Variants in LRRC36 observed in about 807,000 individuals in gnomAD.
The protein encoded by LRRC36 is leucine rich repeat containing 36.
A neutral mutation model predicts 81.1 loss-of-function variants in LRRC36; 62 were observed. That is an observed-to-expected ratio of 0.76 (90% CI 0.62 to 0.94). The LOEUF is 0.94. LRRC36 is among the 40% of genes least tolerant of loss of function. The probability of loss-of-function intolerance (pLI) is 0.00; values close to 1 mark genes in which losing one functional copy is unlikely to be tolerated. For missense variants in LRRC36, 761 were observed against 881.7 expected (o/e 0.86, Z 1.73); for synonymous variants, 334 against 348.6 (o/e 0.96, Z 0.47).
At chr16:67,366,678 AAGCGAAGG>A (rs2039406554) in intron 7 of LRRC36, among the ~76,000 whole-genome samples, 1 of 151,962 alleles carries the variant, frequency 6.6e-6, no homozygotes, top group Admixed American at 6.6e-5. Context: ...TCCCTCTGGG[AAGCGAAGG>A]TTGCACTGAG....
chr16:67,383,496 G>A (rs974236890), intron 13 of LRRC36, among the ~76,000 whole-genome samples: 4 of 152,182 alleles, frequency 2.6e-5, no homozygotes, highest in African/African-American at 9.7e-5. Flanking sequence ...GCAGGTCTGG[G>A]TTGGGAACTG....
At chr16:67,377,900 T>C (rs1161885755) in intron 11 of LRRC36, among the ~76,000 whole-genome samples, 1 of 152,222 alleles carries the variant, frequency 6.6e-6, no homozygotes, top group Non-Finnish European at 1.5e-5. Context: ...CCCAAAGTGC[T>C]GCAATTACAG....
intron 13 of LRRC36, among the ~76,000 whole-genome samples, chr16:67,382,730 TC>T (rs2040158659): frequency 2.0e-5 from 3 of 152,124 alleles, no homozygotes; most frequent in Admixed American, 2.0e-4. Context: ...ACGCCTGTAA[TC>T]CCAGCACTTT....
intron 5 of LRRC36, among the ~76,000 whole-genome samples, chr16:67,350,520 C>T (rs2038578562): frequency 6.6e-6 from 1 of 152,158 alleles, no homozygotes; most frequent in Non-Finnish European, 1.5e-5. Flanking sequence ...AGTTCAATTT[C>T]ATTTACATCA....
At chr16:67,349,327 T>C (rs973538514) in intron 4 of LRRC36, among the ~76,000 whole-genome samples, 2 of 152,106 alleles carry the variant, frequency 1.3e-5, no homozygotes, top group African/African-American at 4.8e-5. Flanking sequence ...TTTTAAGCCT[T>C]TCTGAGTCCC....
chr16:67,335,008 G>T (rs1056418155), intron 1 of LRRC36, among the ~76,000 whole-genome samples: 1 of 152,128 alleles, frequency 6.6e-6, no homozygotes, highest in African/African-American at 2.4e-5. Context: ...GTAAATGGAG[G>T]CAGGGCGAGA....
intron 10 of LRRC36, 55 bp from the exon 11 acceptor site, chr16:67,376,672 T>TG: frequency 6.4e-7 from 1 of 1,566,024 alleles, no homozygotes; most frequent in Non-Finnish European, 8.7e-7. Context: ...TGACTAGGAA[T>TG]GCTGTGCCTT....
At chr16:67,370,817 C>T in intron 8 of LRRC36, 127 bp from the exon 9 acceptor site, 1 of 729,540 alleles carries the variant, frequency 1.4e-6, no homozygotes, top group South Asian at 1.8e-5. Context: ...GGAGTTTTGT[C>T]AGAGAGTTGA....
intron 1 of LRRC36, among the ~76,000 whole-genome samples, chr16:67,338,487 A>G (rs1176668089): frequency 1.3e-5 from 2 of 152,188 alleles, no homozygotes; most frequent in African/African-American, 4.8e-5. Context: ...CAAATTTTTT[A>G]TATTCTTCTT....
In LRRC36 at chr16:67,341,965, G is replaced by C. The variant is rs911637078; in HGVS notation, c.79G>C (p.Glu27Gln). The C allele has an allele frequency of 1.2e-6, 2 of 1,609,530 alleles. No homozygotes were observed. The highest frequency in any genetic ancestry group is 2.7e-5 in the African/African-American group (2 of 74,752). ...TGATGATCTCTTTTCAGAACTGGTG[G>C]AGTCTCTTTCATTGCAGGGATCTTA... ...ALTLEQPELV[E>Q]SLSLQGSYAG... Residue 27 changes from glutamate to glutamine, a missense_variant, in exon 2 of 14, where the codon GAG (glutamate) becomes CAG (glutamine). Physicochemically the swap from Glu to Gln is conservative, Grantham distance 29. Coordinates refer to ENST00000329956, the MANE Select transcript of LRRC36 (RefSeq NM_018296.6).
At chr16:67,343,523 C>T (rs2038192124) in intron 2 of LRRC36, among the ~76,000 whole-genome samples, 1 of 151,796 alleles carries the variant, frequency 6.6e-6, no homozygotes, top group Non-Finnish European at 1.5e-5. Flanking sequence ...GGTGAAACCC[C>T]GTCTCTACTA....
At chr16:67,384,812 G>A in intron 13 of LRRC36, 58 bp from the exon 14 acceptor site, 1 of 1,381,764 alleles carries the variant, frequency 7.2e-7, no homozygotes, top group Non-Finnish European at 1.0e-6. Flanking sequence ...TTTTGGGTCT[G>A]CATGGTATCT....
chr16:67,342,887 T>G (rs774488852), intron 2 of LRRC36, among the ~76,000 whole-genome samples: 1 of 152,174 alleles, frequency 6.6e-6, no homozygotes, highest in African/African-American at 2.4e-5. Context: ...CTAGGGGATA[T>G]TTGTTCAACA....
In LRRC36 at chr16:67,377,219, G is replaced by A. The variant is rs79759051; in HGVS notation, c.1806+347G>A. Reference sequence around the variant, plus strand: ...GGATTGTCTTTCCTCCCTTCTAAGCGAGCTGAGAGCCCTGAACCAGGGGCT... The same window carrying A: ...GGATTGTCTTTCCTCCCTTCTAAGCAAGCTGAGAGCCCTGAACCAGGGGCT... On this transcript the variant is annotated intron_variant, in intron 11 of 13. Coordinates refer to ENST00000329956, the MANE Select transcript of LRRC36 (RefSeq NM_018296.6). Among the ~76,000 whole-genome samples the A allele has an allele frequency of 2.1e-4, 32 of 152,256 alleles. No homozygotes were observed. In the East Asian group the frequency reaches 5.2e-3, roughly 25 times the overall value.
At chr16:67,362,755 CT>C (rs904259799) in intron 5 of LRRC36, among the ~76,000 whole-genome samples, 4 of 147,196 alleles carry the variant, frequency 2.7e-5, no homozygotes, top group South Asian at 2.1e-4. Context: ...GTTTCTCTCT[CT>C]TTTTTTTGTT....
At chr16:67,343,278 A>G in intron 2 of LRRC36, among the ~76,000 whole-genome samples, 1 of 152,160 alleles carries the variant, frequency 6.6e-6, no homozygotes, top group East Asian at 1.9e-4. Context: ...TAATCAAATT[A>G]GGGCTGGGCA....
intron 5 of LRRC36, among the ~76,000 whole-genome samples, chr16:67,362,555 A>G (rs554373086): frequency 6.6e-4 from 100 of 152,288 alleles, no homozygotes; most frequent in African/African-American, 2.3e-3. Context: ...AATTTAATCA[A>G]TTTACAAGGA....
At chr16:67,349,711 T>C (rs2038524399) in intron 4 of LRRC36, among the ~76,000 whole-genome samples, 1 of 152,202 alleles carries the variant, frequency 6.6e-6, no homozygotes, top group South Asian at 2.1e-4. Context: ...TATTTCCCAG[T>C]ATAAATATTA....
intron 5 of LRRC36, among the ~76,000 whole-genome samples, chr16:67,356,411 C>T (rs1226492746): frequency 6.6e-6 from 1 of 152,186 alleles, no homozygotes; most frequent in African/African-American, 2.4e-5. Context: ...TCATTTATCT[C>T]TCTTATAGAA....
Sources: allele counts gnomAD v4.1 joint callset (sites outside exome capture counted in the v4.1 genomes callset), GRCh38; gene constraint gnomAD v4.1.1; transcripts MANE v1.5; gene names NCBI Gene and HGNC (gene_info 2026-07-23, HGNC 2026-07-21).